Variants in ITPR3 observed in about 807,000 individuals in gnomAD.
ITPR3 encodes the protein inositol 1,4,5-trisphosphate-gated calcium channel ITPR3.
In ITPR3, 173 loss-of-function variants were observed where a neutral mutation model predicts 293.2. That is an observed-to-expected ratio of 0.59 (90% CI 0.52 to 0.67). ITPR3 has a LOEUF of 0.67. Among genes scored for constraint, ITPR3 ranks in the 30% least tolerant of loss-of-function variants. The probability of loss-of-function intolerance (pLI) is 0.00; values close to 1 mark genes in which losing one functional copy is unlikely to be tolerated. For missense variants in ITPR3, 2,796 were observed against 3,592.1 expected (o/e 0.78, Z 5.66); for synonymous variants, 1,295 against 1,444.4 (o/e 0.90, Z 2.35).
At position 33,684,912 on chromosome 6, in the gene ITPR3, A is replaced by G. The variant is rs1765183758; in HGVS notation, c.5276A>G (p.His1759Arg). 1.2e-6 allele frequency: 2 copies of G among 1,613,276 alleles called. No homozygotes were observed. Among genetic ancestry groups the G allele is most frequent in the Non-Finnish European group, 1.7e-6 (2 of 1,179,544 alleles). ...CAGGAGAGCATCGGCCTGGCCATCC[A>G]CCTGCTGGATGGTGGCAACACAGAG... ...IFQESIGLAI[H>R]LLDGGNTEIQ... Residue 1759 changes from histidine to arginine, a missense_variant, in exon 39 of 58, where the codon CAC becomes CGC. Physicochemically the swap from His to Arg is conservative, Grantham distance 29. This residue lies in a region of ITPR3 where 704 missense variants were observed against 797.5 expected (regional missense o/e 0.88). Transcript: ENST00000605930. The surrounding 1 kb of genome is among the most constrained non-coding windows in gnomAD (Gnocchi z 4.2).
chr6:33,648,346 A>G (rs759600570), intron 2 of ITPR3, among the ~76,000 whole-genome samples: 1 of 151,624 alleles, frequency 6.6e-6, no homozygotes, highest in East Asian at 2.0e-4. Flanking sequence ...GATTACAGGC[A>G]TGAGCCACAG....
chr6:33,677,125 AG>A, intron 27 of ITPR3, 36 bp downstream of exon 27: 1 of 1,590,974 alleles, frequency 6.3e-7, no homozygotes, highest in Non-Finnish European at 8.6e-7. Flanking sequence ...AGGGATCTGC[AG>A]CCCCAGTGGT....
At position 33,662,928 on chromosome 6, in the gene ITPR3, C is replaced by T; in HGVS notation, c.876C>T (p.Pro292=). Residue 292 remains proline, a synonymous_variant, in exon 9 of 58, where the codon CCC becomes CCT. Coordinates refer to ENST00000605930, the MANE Select transcript of ITPR3 (RefSeq NM_002224.4). ...LWEVEVVHHD[P]CRGGAGHWNG... ...GCCCCTAGGTGGTCCACCACGACCC[C>T]TGCCGTGGAGGAGCTGGGCACTGGA... 6.2e-7 allele frequency: 1 copy of T among 1,600,672 alleles called. No individual in the cohort carries two copies. The highest frequency in any genetic ancestry group is 8.5e-7 in the Non-Finnish European group (1 of 1,172,998).
chr6:33,688,662 C>T lies in ITPR3; in HGVS notation c.6575C>T (p.Pro2192Leu), dbSNP rs775012417. Residue 2192 changes from proline (P) to leucine (L), a missense_variant, in exon 49 of 58, where the codon CCG becomes CTG. Pro to Leu is a moderately conservative substitution (Grantham distance 98, BLOSUM62 -3). This residue lies in a region of ITPR3 where 568 missense variants were observed against 796.1 expected (regional missense o/e 0.71). Transcript: ENST00000605930. ...CCGTTGCCCTCCTCTTCAGGCATGC[C>T]GCTGATCTACTGGTTCTCCCGCCGC... ...MEWQRKLRSM[P>L]LIYWFSRRMT... The T allele has an allele frequency of 3.1e-6, 5 of 1,613,998 alleles. No individual in the cohort carries two copies. Among genetic ancestry groups the T allele is most frequent in the South Asian group, 1.1e-5 (1 of 91,078 alleles).
At position 33,670,540 on chromosome 6, in the gene ITPR3, TCTGGACTGAGATCC is replaced by T; in HGVS notation, c.2407_2420del (p.Trp803HisfsTer9). 6.2e-7 allele frequency: 1 copy of T among 1,613,116 alleles called. No homozygotes were observed. The highest frequency in any genetic ancestry group is 1.1e-5 in the South Asian group (1 of 91,024). On this transcript the variant is annotated frameshift_variant, in exon 19 of 58. Transcript: ENST00000605930. LOFTEE classifies it high-confidence loss of function. This position sits in a 1 kb window ranked among gnomAD's most constrained non-coding sequence, Gnocchi z 6.7. Reference sequence around the variant, plus strand: ...GTCACGCCGGTCAAGTTTGCCCGTCTCTGGACTGAGATCCCCACAGCCATCACCATCAAGGAGTG... The same window carrying T: ...GTCACGCCGGTCAAGTTTGCCCGTCTCCACAGCCATCACCATCAAGGAGTG...
At position 33,667,048 on chromosome 6, in the gene ITPR3, G is replaced by C. The variant is rs1582136754; in HGVS notation, c.1552-81G>C. ...CTGGCTTTAGGGCAGAGTCAGTTGG[G>C]ACTCAGGGATGACTCCTGGGATGAC... is the stretch of plus-strand genomic sequence containing the variant. On this transcript the variant is annotated intron_variant, in intron 14 of 57. Transcript: ENST00000605930. This position sits in a 1 kb window ranked among gnomAD's most constrained non-coding sequence, Gnocchi z 4.4. 1.3e-6 allele frequency: 2 copies of C among 1,510,072 alleles called. No individual in the cohort carries two copies. The highest frequency in any genetic ancestry group is 1.3e-5 in the South Asian group (1 of 79,814). 93.5% of individuals were successfully genotyped at this position (1,510,072 alleles called of 1,614,324 possible).
chr6:33,668,621 C>G lies in ITPR3; in HGVS notation c.1993C>G (p.Leu665Val). Residue 665 changes from leucine (L) to valine (V), a missense_variant, in exon 17 of 58, where the codon CTC becomes GTC. Physicochemically the swap from Leu to Val is conservative, Grantham distance 32. Around this residue, in one of 8 missense-constraint regions of ITPR3, gnomAD observed 955 missense variants for 1,180.8 expected, o/e 0.81. Coordinates refer to ENST00000605930, the MANE Select transcript of ITPR3 (RefSeq NM_002224.4). ...CVLDPKNSDI[L>V]IRTELRPVKE... Reference sequence around the variant, plus strand: ...GCTGGACCCCAAGAACAGTGACATTCTCATCCGGACCGAGTGAGCCCTGTG... The same window carrying G: ...GCTGGACCCCAAGAACAGTGACATTGTCATCCGGACCGAGTGAGCCCTGTG... 6.2e-7 allele frequency: 1 copy of G among 1,614,234 alleles called. No homozygotes were observed. Among genetic ancestry groups the G allele is most frequent in the Non-Finnish European group, 8.5e-7 (1 of 1,180,040 alleles).
In ITPR3 at chr6:33,696,103, T is replaced by C; in HGVS notation, c.*323T>C. On this transcript the variant is annotated 3_prime_UTR_variant, in exon 58 of 58. Coordinates refer to ENST00000605930, the MANE Select transcript of ITPR3 (RefSeq NM_002224.4). ...TGACAACTCTTTGTAGTCCTCCTTG[T>C]GGGTAGTTAAGAGTGGGGTCACCCC... 6.2e-6 allele frequency: 2 copies of C among 321,750 alleles called. No homozygotes were observed. Among genetic ancestry groups the C allele is most frequent in the Non-Finnish European group, 1.2e-5 (2 of 172,104 alleles). The allele number at this position is 321,750 out of a possible 1,614,324, so 19.9% of individuals were successfully genotyped here. A position where few individuals can be genotyped will look rare whatever the true frequency, so the allele number is the denominator to read the frequency against.
intron 1 of ITPR3, among the ~76,000 whole-genome samples, chr6:33,634,814 A>G (rs1334820939): frequency 3.9e-5 from 6 of 152,102 alleles, no homozygotes; most frequent in Non-Finnish European, 7.4e-5. Context: ...TCTTTCCTGC[A>G]TGTGTGACCC....
Position 33,683,684 on chromosome 6 carries a change from C to T in ITPR3, c.4788+287C>T, listed in dbSNP as rs1160977794. On this transcript the variant is annotated intron_variant, in intron 35 of 57. Coordinates refer to ENST00000605930, the MANE Select transcript of ITPR3 (RefSeq NM_002224.4). This position sits in a 1 kb window ranked among gnomAD's most constrained non-coding sequence, Gnocchi z 4.5. ...CACCCCTCACTCCTGCAGCGCCCTC[C>T]TGTCTATGCAGCACATTTCTGTGCG... Among the ~76,000 whole-genome samples the T allele has an allele frequency of 6.6e-6, 1 of 152,188 alleles. No individual in the cohort carries two copies. The highest frequency in any genetic ancestry group is 2.4e-5 in the African/African-American group (1 of 41,430).
intron 33 of ITPR3, among the ~76,000 whole-genome samples, chr6:33,681,245 A>T (rs748055060): frequency 2.0e-5 from 3 of 152,244 alleles, no homozygotes; most frequent in Non-Finnish European, 2.9e-5. Flanking sequence ...ATCCAGCAGG[A>T]ACTCCTAACT....
chr6:33,670,439 G>A lies in ITPR3; in HGVS notation c.2304G>A (p.Met768Ile). Residue 768 changes from methionine (M) to isoleucine (I), a missense_variant, in exon 19 of 58, where the codon ATG becomes ATA. This residue lies in a region of ITPR3 where 955 missense variants were observed against 1,180.8 expected (regional missense o/e 0.81). Transcript: ENST00000605930. This position sits in a 1 kb window ranked among gnomAD's most constrained non-coding sequence, Gnocchi z 6.7. ...DLIFLCMADE[M>I]LPFDLRASFC... ...TTTTCCTGTGCATGGCAGACGAGAT[G>A]CTGCCCTTTGACCTGCGCGCCTCCT... is the stretch of plus-strand genomic sequence containing the variant. The A allele has an allele frequency of 6.2e-7, 1 of 1,614,082 alleles. No individual in the cohort carries two copies. Among genetic ancestry groups the A allele is most frequent in the Non-Finnish European group, 8.5e-7 (1 of 1,180,040 alleles).
chr6:33,690,785 C>A, intron 51 of ITPR3, 132 bp from the exon 52 acceptor site: 1 of 769,498 alleles, frequency 1.3e-6, no homozygotes, highest in Non-Finnish European at 2.1e-6. Context: ...CGACTAAGTG[C>A]AGACCTCCCT....
intron 2 of ITPR3, among the ~76,000 whole-genome samples, chr6:33,647,409 G>A (rs1764093562): frequency 6.6e-6 from 1 of 152,110 alleles, no homozygotes; most frequent in South Asian, 2.1e-4. Flanking sequence ...CAGTTGAGCA[G>A]CATTCCGTAC....
intron 2 of ITPR3, among the ~76,000 whole-genome samples, chr6:33,650,029 GGTA>G (rs1284076267): frequency 1.3e-5 from 2 of 152,162 alleles, no homozygotes; most frequent in Non-Finnish European, 2.9e-5. Context: ...TTCATCCACA[GGTA>G]CACACCCCGG....
In ITPR3 at chr6:33,671,398, C is replaced by G. The variant is rs369878572; in HGVS notation, c.2728+92C>G. ...CTCAGATCAACACCTTCCCCAGCCC[C>G]GCATTCCCCCCACCCAACCTGGCTC... On this transcript the variant is annotated intron_variant, in intron 21 of 57. Transcript: ENST00000605930. 9 of 859,132 alleles carry G rather than the reference C, an allele frequency of 1.0e-5. No homozygotes were observed. In the South Asian group the frequency reaches 1.3e-4, roughly 13 times the overall value. 53.2% of individuals were successfully genotyped at this position (859,132 alleles called of 1,614,324 possible). A position where few individuals can be genotyped will look rare whatever the true frequency, so the allele number is the denominator to read the frequency against.
Position 33,621,769 on chromosome 6 carries a change from C to T in ITPR3, c.89+78C>T, listed in dbSNP as rs1403493793. 1.8e-5 allele frequency: 19 copies of T among 1,068,120 alleles called. No homozygotes were observed. The highest frequency in any genetic ancestry group is 2.5e-5 in the Non-Finnish European group (18 of 715,246). 66.2% of individuals were successfully genotyped at this position (1,068,120 alleles called of 1,614,324 possible). A position where few individuals can be genotyped will look rare whatever the true frequency, so the allele number is the denominator to read the frequency against. Reference sequence around the variant, plus strand: ...CCTGGTGCCAGCTGCGTGCGTCCAGCCGCCGCCCCCCGATAGAGGCCTGGA... The same window carrying T: ...CCTGGTGCCAGCTGCGTGCGTCCAGTCGCCGCCCCCCGATAGAGGCCTGGA... On this transcript the variant is annotated intron_variant, in intron 1 of 57. Transcript: ENST00000605930. The surrounding 1 kb of genome is among the most constrained non-coding windows in gnomAD (Gnocchi z 7.7).
intron 50 of ITPR3, 44 bp from the exon 51 acceptor site, chr6:33,689,990 T>C (rs772246071): frequency 6.2e-7 from 1 of 1,609,844 alleles, no homozygotes; most frequent in South Asian, 1.1e-5. Flanking sequence ...AGATTCAGCA[T>C]AGGTGGTAGG....
Position 33,675,606 on chromosome 6 carries a change from T to G in ITPR3, c.3117-85T>G. On this transcript the variant is annotated intron_variant, in intron 24 of 57. Coordinates refer to ENST00000605930, the MANE Select transcript of ITPR3 (RefSeq NM_002224.4). The surrounding 1 kb of genome is among the most constrained non-coding windows in gnomAD (Gnocchi z 5.0). ...TCTGCTAATTGGGTGGCGGAGAGTG[T>G]GCTTGTGCCAGGGCCCCTTACCCAC... is the stretch of plus-strand genomic sequence containing the variant. 6 of 1,440,646 alleles carry G rather than the reference T, an allele frequency of 4.2e-6. No individual in the cohort carries two copies. The highest frequency in any genetic ancestry group is 4.6e-6 in the Non-Finnish European group (5 of 1,075,622). 89.2% of individuals were successfully genotyped at this position (1,440,646 alleles called of 1,614,324 possible).
Sources: gnomAD v4.1 joint callset for allele counts (sites outside exome capture counted in the v4.1 genomes callset) on GRCh38, gnomAD v4.1.1 for gene constraint, gnomAD v4.1.1 regional missense constraint, Gnocchi (gnomAD v3.1) non-coding constraint, MANE v1.5 for transcripts, NCBI Gene and HGNC (gene_info 2026-07-23, HGNC 2026-07-21) for gene names.